PLEKHG6: variants seen among roughly 807,000 people sequenced by gnomAD.
PLEKHG6 encodes pleckstrin homology and RhoGEF domain containing G6.
A neutral mutation model predicts 97.5 loss-of-function variants in PLEKHG6; 91 were observed. The ratio of observed to expected loss-of-function variants is 0.93; its 90% confidence interval spans 0.79 to 1.11. The LOEUF is 1.11. PLEKHG6 is among the 50% of genes most tolerant of loss of function. The pLI is 0.00. For synonymous variants in PLEKHG6, 466 were observed against 425.5 expected (o/e 1.10, Z -1.17); for missense variants, 1,044 against 1,031.0 (o/e 1.01, Z -0.17).
intron 11 of PLEKHG6, 80 bp from the exon 12 acceptor site, chr12:6,318,665 A>G (rs1947582085): frequency 6.7e-7 from 1 of 1,490,170 alleles, no homozygotes. Flanking sequence ...CCTGCGCACC[A>G]TGCCTGAGCC....
At chr12:6,312,471 C>T in intron 2 of PLEKHG6, 107 bp downstream of exon 2, 1 of 1,274,246 alleles carries the variant, frequency 7.8e-7, no homozygotes. Flanking sequence ...GCTATTCCTG[C>T]CCCTTACCCT....
At chr12:6,318,555 C>A in intron 11 of PLEKHG6, 135 bp downstream of exon 11, 1 of 1,273,594 alleles carries the variant, frequency 7.9e-7, no homozygotes, top group Non-Finnish European at 1.1e-6. Context: ...ATTTGTGTGA[C>A]CCTGAGCCAG....
Position 6,327,951 on chromosome 12 carries a change from G to A in PLEKHG6, c.2363+5G>A, listed in dbSNP as rs1318343200. On this transcript the variant is annotated splice_donor_5th_base_variant and intron_variant, in intron 15 of 15. Coordinates refer to ENST00000684764, the MANE Select transcript of PLEKHG6 (RefSeq NM_001384598.1). Reference sequence around the variant, plus strand: ...GGACACCCCTCTGTCCGCATCGTAAGTGCTGGAGGGAAGCTGGCCTGGGAG... The same window carrying A: ...GGACACCCCTCTGTCCGCATCGTAAATGCTGGAGGGAAGCTGGCCTGGGAG... 1.3e-6 allele frequency: 2 copies of A among 1,504,558 alleles called. No homozygotes were observed. The highest frequency in any genetic ancestry group is 2.3e-5 in the Admixed American group (1 of 44,232). 93.2% of individuals were successfully genotyped at this position (1,504,558 alleles called of 1,614,324 possible). A position where few individuals can be genotyped will look rare whatever the true frequency, so the allele number is the denominator to read the frequency against.
At chr12:6,320,035 C>G (rs985945497) in intron 13 of PLEKHG6, among the ~76,000 whole-genome samples, 23 of 152,150 alleles carry the variant, frequency 1.5e-4, no homozygotes, top group African/African-American at 5.6e-4. Context: ...AGGAGCAGAA[C>G]GTGCAAAGGC....
At position 6,327,319 on chromosome 12, in the gene PLEKHG6, C is replaced by T. The variant is rs757828049; in HGVS notation, c.1736C>T (p.Pro579Leu). Residue 579 changes from proline (P) to leucine (L), a missense_variant, in exon 15 of 16, where the codon CCC (proline) becomes CTC (leucine). Coordinates refer to ENST00000684764, the MANE Select transcript of PLEKHG6 (RefSeq NM_001384598.1). Reference protein sequence around the residue: ...VVTEDTDEDAPLVPDDTSDSG... With the variant: ...VVTEDTDEDALLVPDDTSDSG... ...ACAGAAGACACAGATGAAGATGCTC[C>T]CCTTGTGCCAGATGATACCTCAGAC... 4.5e-5 allele frequency: 73 copies of T among 1,613,796 alleles called. 1 individual carries two copies. Among genetic ancestry groups the T allele is most frequent in the Non-Finnish European group, 5.5e-5 (65 of 1,179,892 alleles).
At chr12:6,328,002 T>TGG (rs1947934293) in intron 15 of PLEKHG6, 56 bp downstream of exon 15, 2 of 1,507,820 alleles carry the variant, frequency 1.3e-6, no homozygotes, top group Non-Finnish European at 8.9e-7. Flanking sequence ...GTCTGTATGG[T>TGG]GGTGGGGTGT....
At chr12:6,323,040 T>C (rs1264101327) in intron 13 of PLEKHG6, among the ~76,000 whole-genome samples, 1 of 151,884 alleles carries the variant, frequency 6.6e-6, no homozygotes, top group Non-Finnish European at 1.5e-5. Flanking sequence ...CCTTTTTTCC[T>C]TCGGAACTGC....
Position 6,318,741 on chromosome 12 carries a change from C to G in PLEKHG6, c.1276-4C>G, listed in dbSNP as rs761696024. 6.2e-7 allele frequency: 1 copy of G among 1,613,742 alleles called. No homozygotes were observed. Among genetic ancestry groups the G allele is most frequent in the Non-Finnish European group, 8.5e-7 (1 of 1,179,654 alleles). The stretch of plus-strand genomic sequence containing the variant: ...GTCTCTTTCCCCTACGCCCCCACCC[C>G]CAGCTGGACGTGTACCTGTTCCTCT... On this transcript the variant is annotated splice_polypyrimidine_tract_variant and splice_region_variant and intron_variant, in intron 11 of 15. Transcript: ENST00000684764.
chr12:6,311,432 G>A (rs1205334848), intron 1 of PLEKHG6, among the ~76,000 whole-genome samples: 1 of 152,214 alleles, frequency 6.6e-6, no homozygotes. Context: ...TAGGAGATGG[G>A]CAAGCCTTTC....
At chr12:6,322,129 A>G (rs1947726209) in intron 13 of PLEKHG6, among the ~76,000 whole-genome samples, 1 of 152,216 alleles carries the variant, frequency 6.6e-6, no homozygotes, top group South Asian at 2.1e-4. Flanking sequence ...CAAAGAGCAC[A>G]GTTGGCCTCC....
rs373525801 is a variant in PLEKHG6 at position 6,327,225 on chromosome 12, C to T, written c.1671-29C>T. On this transcript the variant is annotated intron_variant, in intron 14 of 15. Transcript: ENST00000684764. ...TCCCTGGACTTGAACTTGACCCCTA[C>T]GCATCTGACTCTTTGCCATTAACTG... 4.7e-4 allele frequency: 666 copies of T among 1,413,874 alleles called. 1 individual carries two copies. The highest frequency in any genetic ancestry group is 1.1e-3 in the Admixed American group (53 of 49,754). The allele number at this position is 1,413,874 out of a possible 1,614,324, so 87.6% of individuals were successfully genotyped here. A position where few individuals can be genotyped will look rare whatever the true frequency, so the allele number is the denominator to read the frequency against.
rs1230315663 is a variant in PLEKHG6 at position 6,316,426 on chromosome 12, G to A, written c.756+22G>A. The A allele has an allele frequency of 6.4e-7, 1 of 1,557,654 alleles. No homozygotes were observed. Among genetic ancestry groups the A allele is most frequent in the Admixed American group, 1.9e-5 (1 of 51,992 alleles). ...GACGGTGAGGCCTGTGAAGGGCTGT[G>A]TCTGGATGGGGCAGGACTCGGAGCC... On this transcript the variant is annotated intron_variant, in intron 7 of 15. Transcript: ENST00000684764. This position sits in a 1 kb window ranked among gnomAD's most constrained non-coding sequence, Gnocchi z 4.1.
chr12:6,326,523 C>T lies in PLEKHG6; in HGVS notation c.1620C>T (p.Thr540=), dbSNP rs780528794. Residue 540 remains threonine, a synonymous_variant, in exon 14 of 16, where the codon ACC becomes ACT. Coordinates refer to ENST00000684764, the MANE Select transcript of PLEKHG6 (RefSeq NM_001384598.1). ...ACCAGGACAGGGAGTCCCCCAGCAC[C>T]AGGCCCTCCACGCCTTCCCTGGAGG... is the stretch of plus-strand genomic sequence containing the variant. ...YRDQDRESPS[T]RPSTPSLEGS... is the part of the protein sequence containing the mutation. The T allele has an allele frequency of 1.3e-5, 21 of 1,593,616 alleles. No homozygotes were observed. The highest frequency in any genetic ancestry group is 1.8e-5 in the Non-Finnish European group (21 of 1,172,120).
chr12:6,314,376 G>A (rs773473992), intron 3 of PLEKHG6, among the ~76,000 whole-genome samples: 18 of 152,098 alleles, frequency 1.2e-4, no homozygotes, highest in Non-Finnish European at 2.2e-4. Flanking sequence ...GTGTCATGGC[G>A]GGCACCTGTA....
At position 6,317,323 on chromosome 12, in the gene PLEKHG6, CT is replaced by C; in HGVS notation, c.778del (p.Tyr260MetfsTer8). The C allele has an allele frequency of 6.2e-7, 1 of 1,613,882 alleles. No individual in the cohort carries two copies. The highest frequency in any genetic ancestry group is 8.5e-7 in the Non-Finnish European group (1 of 1,179,818). ...TCCAGTTTGGCCAGCGGTTCCACCC[CT>C]ATGTCCAGTACTGCCTCCGAGTGAA... ...FLTFGQRFHP[Y>X]VQYCLRVKQT... On this transcript the variant is annotated frameshift_variant, in exon 8 of 16. Coordinates refer to ENST00000684764, the MANE Select transcript of PLEKHG6 (RefSeq NM_001384598.1). LOFTEE classifies it high-confidence loss of function.
At position 6,315,133 on chromosome 12, in the gene PLEKHG6, C is replaced by G; in HGVS notation, c.423C>G (p.Ile141Met). ...IGEGGDSGLTIEKSWRELVPG... is the reference protein window; with the variant it reads ...IGEGGDSGLTMEKSWRELVPG... Reference sequence around the variant, plus strand: ...AGGGTGGCGACAGTGGCCTGACCATCGAGAAGTCCTGGAGGGAGCTGGTGC... The same window carrying G: ...AGGGTGGCGACAGTGGCCTGACCATGGAGAAGTCCTGGAGGGAGCTGGTGC... The change falls in exon 4 of 16, where the codon ATC becomes ATG. Residue 141 changes from isoleucine to methionine, a missense_variant. Coordinates refer to ENST00000684764, the MANE Select transcript of PLEKHG6 (RefSeq NM_001384598.1). This position sits in a 1 kb window ranked among gnomAD's most constrained non-coding sequence, Gnocchi z 4.5. 1 of 1,612,140 alleles carries G rather than the reference C, an allele frequency of 6.2e-7. No individual in the cohort carries two copies.
At chr12:6,323,956 T>A (rs1020905273) in intron 13 of PLEKHG6, among the ~76,000 whole-genome samples, 7 of 151,956 alleles carry the variant, frequency 4.6e-5, no homozygotes, top group Non-Finnish European at 4.4e-5. Flanking sequence ...ACTGGGGAGT[T>A]CTGGGAGGAG....
chr12:6,315,480 G>C lies in PLEKHG6; in HGVS notation c.460-74G>C. 1.0e-6 allele frequency: 1 copy of C among 967,368 alleles called. No homozygotes were observed. Among genetic ancestry groups the C allele is most frequent in the Non-Finnish European group, 1.6e-6 (1 of 635,088 alleles). The allele number at this position is 967,368 out of a possible 1,614,324, so 59.9% of individuals were successfully genotyped here. A position where few individuals can be genotyped will look rare whatever the true frequency, so the allele number is the denominator to read the frequency against. On this transcript the variant is annotated intron_variant, in intron 4 of 15. Transcript: ENST00000684764. The surrounding 1 kb of genome is among the most constrained non-coding windows in gnomAD (Gnocchi z 4.5). ...TGCCTAGAACCTATGAAGTGGATCC[G>C]GTCGCACTTAACAGCTGGTACTTGC...
At position 6,317,971 on chromosome 12, in the gene PLEKHG6, C is replaced by T; in HGVS notation, c.1132C>T (p.Pro378Ser). 6 of 1,589,686 alleles carry T rather than the reference C, an allele frequency of 3.8e-6. No homozygotes were observed. Among genetic ancestry groups the T allele is most frequent in the Non-Finnish European group, 5.1e-6 (6 of 1,168,236 alleles). ...QRIGPYEVLE[P>S]PSDEVEKNLR... ...CATCGGGCCCTACGAGGTGCTGGAG[C>T]CACCCAGTGATGAGGTGGAGAAGGT... The change falls in exon 10 of 16, where the codon CCA (proline) becomes TCA (serine). Residue 378 changes from proline to serine, a missense_variant. Coordinates refer to ENST00000684764, the MANE Select transcript of PLEKHG6 (RefSeq NM_001384598.1).
Sources: gnomAD v4.1 joint callset for allele counts (sites outside exome capture counted in the v4.1 genomes callset) on GRCh38, gnomAD v4.1.1 for gene constraint, Gnocchi (gnomAD v3.1) non-coding constraint, MANE v1.5 for transcripts, NCBI Gene and HGNC (gene_info 2026-07-23, HGNC 2026-07-21) for gene names.